The following COL9A1 variants were observed in gnomAD, a reference collection of about 807,000 sequenced individuals.
COL9A1 encodes the protein collagen type IX alpha 1 chain.
In COL9A1, 104 loss-of-function variants were observed where a neutral mutation model predicts 142.6. The ratio of observed to expected loss-of-function variants is 0.73; its 90% CI spans 0.62 to 0.86. The LOEUF (loss-of-function observed/expected upper bound fraction) is 0.86. Among genes scored for constraint, COL9A1 ranks in the 40% least tolerant of loss-of-function variants. The pLI is 0.00. For synonymous variants in COL9A1, 466 were observed against 396.0 expected (o/e 1.18, Z -2.10); for missense variants, 1,210 against 1,176.6 (o/e 1.03, Z -0.42).
At position 70,296,443 on chromosome 6, in the gene COL9A1, A is replaced by G. The variant is rs111856024; in HGVS notation, c.300-1880T>C. On this transcript the variant is annotated intron_variant, in intron 4 of 37. Transcript: ENST00000357250. The stretch of plus-strand genomic sequence containing the variant: ...GAGCTACAGAAAAAAATTATACAAG[A>G]ACCATTGACTGACCTATTTTCCCCA... Among the ~76,000 whole-genome samples the G allele has an allele frequency of 4.2e-3, 632 of 152,248 alleles. 3 individuals are homozygous for G. The highest frequency in any genetic ancestry group is 0.014 in the African/African-American group (596 of 41,562).
chr6:70,291,779 G>C (rs1268044780), intron 5 of COL9A1, among the ~76,000 whole-genome samples: 4 of 152,044 alleles, frequency 2.6e-5, no homozygotes, highest in Non-Finnish European at 5.9e-5. Context: ...AAAAATATGT[G>C]GTTGCATATA....
intron 2 of COL9A1, among the ~76,000 whole-genome samples, chr6:70,300,895 A>G (rs1254894242): frequency 6.6e-6 from 1 of 152,088 alleles, no homozygotes; most frequent in African/African-American, 2.4e-5. Context: ...GGGCTTCTGG[A>G]GAGTAGAGTT....
Position 70,260,739 on chromosome 6 carries a change from AT to A in COL9A1, c.1396-30del, listed in dbSNP as rs749341294. On this transcript the variant is annotated intron_variant, in intron 19 of 37. Transcript: ENST00000357250. ...GAAATGTGAAAAAGAGAAGTGAATT[AT>A]TTTAGTTGAAGCAAAGATTTTTAAA... The A allele has an allele frequency of 3.0e-5, 48 of 1,610,800 alleles. No individual in the cohort carries two copies. The African/African-American group carries it at 5.9e-4, about 20-fold the overall frequency.
intron 32 of COL9A1, 103 bp downstream of exon 32, chr6:70,240,585 AT>A (rs1770185877): frequency 1.6e-6 from 1 of 610,612 alleles, no homozygotes; most frequent in African/African-American, 1.9e-5. Context: ...AAGAATATAT[AT>A]ATATATATAC....
chr6:70,259,469 C>CCCCTACACA lies in COL9A1; in HGVS notation c.1449+1179_1449+1187dup, dbSNP rs527431943. Among the ~76,000 whole-genome samples the CCCCTACACA allele has an allele frequency of 3.0e-3, 462 of 152,222 alleles. 8 individuals are homozygous for CCCCTACACA. The highest frequency in any genetic ancestry group is 0.01 in the African/African-American group (427 of 41,536). ...AAATCTGATAGAGAGGCTAAACACACCCCTACACACCCTACACACACGCCA... is the reference window on the plus strand; with the variant it reads ...AAATCTGATAGAGAGGCTAAACACACCCCTACACACCCTACACACCCTACACACACGCCA... On this transcript the variant is annotated intron_variant, in intron 20 of 37. Transcript: ENST00000357250.
chr6:70,215,750 A>G (rs1768460854), downstream of COL9A1: 1 of 152,218 alleles, frequency 6.6e-6, no homozygotes, highest in Non-Finnish European at 1.5e-5. Flanking sequence ...ATTGGAATGA[A>G]GGCAGTGGTT....
intron 28 of COL9A1, among the ~76,000 whole-genome samples, chr6:70,248,835 T>C (rs1486534568): frequency 6.6e-6 from 1 of 152,202 alleles, no homozygotes; most frequent in Non-Finnish European, 1.5e-5. Context: ...CTTCTGCAGT[T>C]ACCACGGCAT....
At chr6:70,222,174 A>T (rs1251147321) in intron 37 of COL9A1, among the ~76,000 whole-genome samples, 1 of 152,188 alleles carries the variant, frequency 6.6e-6, no homozygotes, top group African/African-American at 2.4e-5. Flanking sequence ...TATATTATAA[A>T]AAAAGGGAGC....
intron 28 of COL9A1, among the ~76,000 whole-genome samples, chr6:70,243,678 C>A (rs904357264): frequency 1.3e-5 from 2 of 152,264 alleles, no homozygotes; most frequent in African/African-American, 4.8e-5. Flanking sequence ...CAGGTGCATG[C>A]CACCACGCCT....
chr6:70,275,872 GC>G (rs1183116362), intron 10 of COL9A1, among the ~76,000 whole-genome samples: 3 of 151,984 alleles, frequency 2.0e-5, no homozygotes, highest in Non-Finnish European at 4.4e-5. Context: ...AAATATGAAA[GC>G]CCTACTTAAA....
At chr6:70,232,069 A>G (rs565488752) in intron 36 of COL9A1, among the ~76,000 whole-genome samples, 69 of 152,272 alleles carry the variant, frequency 4.5e-4, no homozygotes, top group African/African-American at 1.4e-3. Context: ...GAGCTGAAAA[A>G]AAAATCCATC....
In COL9A1 at chr6:70,267,327, G is replaced by GTTTTTTTTTTTTT. The variant is rs61373051; in HGVS notation, c.1288-558_1288-557insAAAAAAAAAAAAA. Among the ~76,000 whole-genome samples, 918 of 126,822 alleles carry GTTTTTTTTTTTTT rather than the reference G, an allele frequency of 7.2e-3. 57 individuals are homozygous for GTTTTTTTTTTTTT. Among genetic ancestry groups the GTTTTTTTTTTTTT allele is most frequent in the African/African-American group, 0.019 (637 of 33,504 alleles). The allele number at this position is 126,822 out of a possible 152,430, so 83.2% of individuals were successfully genotyped here. ...TTGTTGTTGTTTGTTTGGTTTTTTT[G>GTTTTTTTTTTTTT]TTTTTTTTTTTTGAGATGGAGCTTC... On this transcript the variant is annotated intron_variant, in intron 17 of 37. Coordinates refer to ENST00000357250, the MANE Select transcript of COL9A1 (RefSeq NM_001851.6).
At chr6:70,235,459 T>TATA (rs139009719) in intron 33 of COL9A1, among the ~76,000 whole-genome samples, 31 of 151,698 alleles carry the variant, frequency 2.0e-4, no homozygotes, top group Non-Finnish European at 3.2e-4. Flanking sequence ...TCTCAAAAAT[T>TATA]ATAATAATAA....
rs936152967 is a variant in COL9A1, at chr6:70,234,933, T to C, written c.2120A>G (p.Asn707Ser). The change falls in exon 34 of 38, where the codon AAT becomes AGT. Residue 707 changes from asparagine (N) to serine (S), a missense_variant. By Grantham distance (46) the Asn-to-Ser change is conservative. Transcript: ENST00000357250. ...GLPGPKGSAG[N>S]PGEPGLRGPE... is the part of the protein sequence containing the mutation. Reference sequence around the variant, plus strand: ...CCCTCTCAAGCCAGGTTCCCCAGGATTACCTGCCTGGAACACAATTGCACA... The same window carrying C: ...CCCTCTCAAGCCAGGTTCCCCAGGACTACCTGCCTGGAACACAATTGCACA... The C allele has an allele frequency of 1.2e-6, 2 of 1,614,096 alleles. No homozygotes were observed. Among genetic ancestry groups the C allele is most frequent in the African/African-American group, 1.3e-5 (1 of 75,024 alleles).
intron 10 of COL9A1, 38 bp downstream of exon 10, chr6:70,280,774 C>A (rs1773102908): frequency 6.3e-7 from 1 of 1,596,830 alleles, no homozygotes; most frequent in Non-Finnish European, 8.5e-7. Flanking sequence ...CCACCACACA[C>A]CCCAGGCTGG....
chr6:70,269,347 A>G (rs188026104), intron 16 of COL9A1, among the ~76,000 whole-genome samples: 124 of 152,330 alleles, frequency 8.1e-4, no homozygotes, highest in African/African-American at 2.7e-3. Context: ...AGAGGAAGTT[A>G]TTTGAACTCT....
chr6:70,254,541 G>C lies in COL9A1; in HGVS notation c.1666-12C>G. The stretch of plus-strand genomic sequence containing the variant: ...TTTCCTGGTTCACCCTGCAAAAAAA[G>C]CTTTTATCACATGATTGAACCTGTA... On this transcript the variant is annotated splice_polypyrimidine_tract_variant and intron_variant, in intron 24 of 37. Coordinates refer to ENST00000357250, the MANE Select transcript of COL9A1 (RefSeq NM_001851.6). 1.9e-6 allele frequency: 3 copies of C among 1,613,780 alleles called. No individual in the cohort carries two copies. Among genetic ancestry groups the C allele is most frequent in the African/African-American group, 1.3e-5 (1 of 75,008 alleles).
rs55680584 is a variant in COL9A1, at chr6:70,245,125, G to A, written c.1873-2410C>T. Reference sequence around the variant, plus strand: ...TCACCTCACTGTGCAAAACAGTAATGTTTATTTTCCCAAGAGTGACCAAAC... The same window carrying A: ...TCACCTCACTGTGCAAAACAGTAATATTTATTTTCCCAAGAGTGACCAAAC... On this transcript the variant is annotated intron_variant, in intron 28 of 37. Transcript: ENST00000357250. 4.8e-3 allele frequency among the ~76,000 whole-genome samples: 731 copies of A among 152,310 alleles called. 2 individuals carry two copies. Among genetic ancestry groups the A allele is most frequent in the Non-Finnish European group, 7.6e-3 (515 of 68,020 alleles).
At chr6:70,273,554 T>C (rs1583308419) in intron 12 of COL9A1, among the ~76,000 whole-genome samples, 1 of 152,168 alleles carries the variant, frequency 6.6e-6, no homozygotes, top group South Asian at 2.1e-4. Context: ...TCCTCATATA[T>C]ACAAATAACA....
Sources: allele counts gnomAD v4.1 joint callset (sites outside exome capture counted in the v4.1 genomes callset), GRCh38; gene constraint gnomAD v4.1.1; transcripts MANE v1.5; gene names NCBI Gene and HGNC (gene_info 2026-07-23, HGNC 2026-07-21).